The following CNTN5 variants were observed in gnomAD, a reference collection of about 807,000 sequenced individuals.
The protein encoded by CNTN5 is contactin 5, also known as contactin-5.
A neutral mutation model predicts 129.1 loss-of-function variants in CNTN5; 77 were observed. The ratio of observed to expected loss-of-function variants is 0.60; its 90% confidence interval spans 0.50 to 0.72. The LOEUF (loss-of-function observed/expected upper bound fraction) is 0.72, where lower values mean the gene tolerates loss of function less well. CNTN5 is among the 30% of genes least tolerant of loss of function. The pLI is 0.00. For synonymous variants in CNTN5, 509 were observed against 465.6 expected (o/e 1.09, Z -1.20); for missense variants, 1,478 against 1,328.8 (o/e 1.11, Z -1.75).
chr11:99,958,966 C>G (rs1404930650), intron 8 of CNTN5, among the ~76,000 whole-genome samples: 2 of 152,152 alleles, frequency 1.3e-5, no homozygotes, highest in Non-Finnish European at 2.9e-5. Context: ...AAGACAGTGT[C>G]CATGTGCAAG....
chr11:99,631,860 A>G (rs1019617750), intron 3 of CNTN5, among the ~76,000 whole-genome samples: 1 of 152,160 alleles, frequency 6.6e-6, no homozygotes, highest in African/African-American at 2.4e-5. Flanking sequence ...TGGTCTGAAA[A>G]TAGGTGAATA....
At chr11:99,693,508 A>G (rs1954128254) in intron 3 of CNTN5, among the ~76,000 whole-genome samples, 1 of 151,764 alleles carries the variant, frequency 6.6e-6, no homozygotes, top group East Asian at 2.0e-4. Flanking sequence ...AAGGTTATGA[A>G]ATGAGGCATG....
chr11:100,344,031 A>T (rs1305047364), intron 23 of CNTN5, among the ~76,000 whole-genome samples: 1 of 152,092 alleles, frequency 6.6e-6, no homozygotes, highest in Non-Finnish European at 1.5e-5. Context: ...CTTCTTGCTC[A>T]TCGGGGAAAG....
chr11:100,183,744 T>C (rs1473595746), intron 13 of CNTN5, among the ~76,000 whole-genome samples: 1 of 152,168 alleles, frequency 6.6e-6, no homozygotes, highest in Non-Finnish European at 1.5e-5. Flanking sequence ...TTTCAAAGCA[T>C]ACACTTTAAA....
intron 3 of CNTN5, among the ~76,000 whole-genome samples, chr11:99,657,909 G>A (rs1039805534): frequency 1.7e-4 from 26 of 152,102 alleles, no homozygotes; most frequent in African/African-American, 6.0e-4. Context: ...CACTAACCCT[G>A]TAAATTGGCC....
At chr11:99,516,266 G>A (rs117931841) in intron 2 of CNTN5, among the ~76,000 whole-genome samples, 5,180 of 152,116 alleles carry the variant, frequency 0.034, 126 homozygotes, top group Non-Finnish European at 0.045. Flanking sequence ...AGTGGTATAT[G>A]TTCTAATCAA....
In CNTN5 at chr11:99,666,026, G is replaced by A. The variant is rs147491642; in HGVS notation, c.55+109757G>A. Reference sequence around the variant, plus strand: ...GTTGCCCAGCCTGGAGGGCAGTGGCGTGATCTTGGCTCACTGCAATCTCCA... The same window carrying A: ...GTTGCCCAGCCTGGAGGGCAGTGGCATGATCTTGGCTCACTGCAATCTCCA... On this transcript the variant is annotated intron_variant, in intron 3 of 24. Transcript: ENST00000524871. Among the ~76,000 whole-genome samples, 62 of 151,990 alleles carry A rather than the reference G, an allele frequency of 4.1e-4. 1 individual carries two copies. Among genetic ancestry groups the A allele is most frequent in the Middle Eastern group, 3.4e-3 (1 of 294 alleles).
At chr11:99,373,560 A>G (rs1047613970) in intron 2 of CNTN5, among the ~76,000 whole-genome samples, 16 of 151,822 alleles carry the variant, frequency 1.1e-4, no homozygotes, top group African/African-American at 3.9e-4. Flanking sequence ...CTAAAAATAC[A>G]AAATTAGCTG....
rs372726083 is a variant in CNTN5 at position 100,321,473 on chromosome 11, T to C, written c.2730+13005T>C. Reference sequence around the variant, plus strand: ...TTTTGGCAAAGTCATCAGGGTTTCCTATATGTTAGATTATGTCACCTGCAA... The same window carrying C: ...TTTTGGCAAAGTCATCAGGGTTTCCCATATGTTAGATTATGTCACCTGCAA... On this transcript the variant is annotated intron_variant, in intron 21 of 24. Transcript: ENST00000524871. 2.4e-4 allele frequency among the ~76,000 whole-genome samples: 37 copies of C among 152,252 alleles called. No individual in the cohort carries two copies. The South Asian group carries it at 7.5e-3, about 31-fold the overall frequency.
chr11:99,329,505 A>G (rs1419571755), intron 2 of CNTN5, among the ~76,000 whole-genome samples: 5 of 152,192 alleles, frequency 3.3e-5, no homozygotes, highest in African/African-American at 1.2e-4. Flanking sequence ...CTGAAGGCTC[A>G]GTCACCTGAA....
At chr11:99,436,658 C>A (rs1470900464) in intron 2 of CNTN5, among the ~76,000 whole-genome samples, 2 of 152,256 alleles carry the variant, frequency 1.3e-5, no homozygotes, top group East Asian at 1.9e-4. Flanking sequence ...TTACTTCTGA[C>A]AATATGCCCC....
intron 9 of CNTN5, among the ~76,000 whole-genome samples, chr11:100,005,387 TCA>T (rs1940129230): frequency 6.6e-6 from 1 of 152,144 alleles, no homozygotes; most frequent in Admixed American, 6.6e-5. Flanking sequence ...TATTCTTGCC[TCA>T]CTCTATCATT....
chr11:100,136,799 AAT>A (rs2138234546), intron 13 of CNTN5, among the ~76,000 whole-genome samples: 1 of 151,804 alleles, frequency 6.6e-6, no homozygotes, highest in African/African-American at 2.4e-5. Context: ...AAAAAAAAAA[AAT>A]AAAGTAACAC....
chr11:99,429,128 T>A (rs1943258009), intron 2 of CNTN5, among the ~76,000 whole-genome samples: 1 of 152,188 alleles, frequency 6.6e-6, no homozygotes, highest in South Asian at 2.1e-4. Flanking sequence ...CTAATTTTAT[T>A]TTACCAATAA....
At chr11:99,962,832 T>A (rs1333768053) in intron 8 of CNTN5, among the ~76,000 whole-genome samples, 1 of 151,680 alleles carries the variant, frequency 6.6e-6, no homozygotes, top group East Asian at 1.9e-4. Flanking sequence ...GTTTCCTGAC[T>A]TTTTAATGAT....
At chr11:99,026,737 G>A (rs529150661) in intron 1 of CNTN5, among the ~76,000 whole-genome samples, 47 of 151,684 alleles carry the variant, frequency 3.1e-4, no homozygotes, top group Middle Eastern at 6.8e-3. Flanking sequence ...GTGAAGTGAT[G>A]TGTTCAACAT....
chr11:99,444,197 T>C (rs1420688779), intron 2 of CNTN5, among the ~76,000 whole-genome samples: 4 of 151,526 alleles, frequency 2.6e-5, no homozygotes, highest in African/African-American at 9.7e-5. Context: ...AAACTCTGTC[T>C]CAAAAAGAAA....
At chr11:99,212,836 C>A (rs1188946242) in intron 1 of CNTN5, among the ~76,000 whole-genome samples, 4 of 151,940 alleles carry the variant, frequency 2.6e-5, no homozygotes, top group African/African-American at 7.3e-5. Context: ...TATTCAAAAA[C>A]CTTATAAATG....
chr11:100,339,417 T>C (rs2139009972), intron 21 of CNTN5, among the ~76,000 whole-genome samples: 1 of 152,156 alleles, frequency 6.6e-6, no homozygotes, highest in East Asian at 1.9e-4. Context: ...AGGCTATCTC[T>C]CCTCTGAAGT....
Sources: gnomAD v4.1 joint callset for allele counts (sites outside exome capture counted in the v4.1 genomes callset) on GRCh38, gnomAD v4.1.1 for gene constraint, MANE v1.5 for transcripts, NCBI Gene and HGNC (gene_info 2026-07-23, HGNC 2026-07-21) for gene names.